CHN2: variants seen among roughly 807,000 people sequenced by gnomAD.
CHN2 encodes beta-chimaerin.
Under a neutral mutation model 56.3 loss-of-function variants are expected in CHN2, and 35 were observed. That is an observed-to-expected ratio of 0.62 (90% CI 0.47 to 0.82). The LOEUF (loss-of-function observed/expected upper bound fraction) is 0.82. Among genes scored for constraint, CHN2 ranks in the 40% least tolerant of loss-of-function variants. The probability of loss-of-function intolerance (pLI) is 0.00; values close to 1 mark genes in which losing one functional copy is unlikely to be tolerated. For synonymous variants in CHN2, 210 were observed against 212.8 expected, an observed-to-expected ratio of 0.99 and a Z score of 0.12; for missense variants, 491 against 580.5, an observed-to-expected ratio of 0.85 and a Z score of 1.58.
At chr7:29,190,149 C>T (rs1034531947), upstream of CHN2, among the ~76,000 whole-genome samples, 4 of 152,206 alleles carry the variant, frequency 2.6e-5, no homozygotes, top group Admixed American at 6.5e-5. Flanking sequence ...GACTAGGTGT[C>T]TTTGTATTTG....
At chr7:29,246,965 C>T (rs147673117) in intron 1 of CHN2, among the ~76,000 whole-genome samples, 5 of 152,228 alleles carry the variant, frequency 3.3e-5, no homozygotes, top group South Asian at 2.1e-4. Context: ...ACACTCAGTC[C>T]GTAGCAGTGT....
At chr7:29,275,243 A>G (rs1791090748) in intron 1 of CHN2, among the ~76,000 whole-genome samples, 1 of 152,178 alleles carries the variant, frequency 6.6e-6, no homozygotes, top group African/African-American at 2.4e-5. Flanking sequence ...TACAAAATAG[A>G]TATCAGACAT....
intron 6 of CHN2, among the ~76,000 whole-genome samples, chr7:29,454,494 C>T (rs917116795): frequency 3.9e-5 from 6 of 152,130 alleles, no homozygotes; most frequent in Non-Finnish European, 7.3e-5. Flanking sequence ...CTCATTTTAG[C>T]CAACTAATCC....
At chr7:29,207,817 C>T (rs949601397) in intron 1 of CHN2, among the ~76,000 whole-genome samples, 5 of 152,162 alleles carry the variant, frequency 3.3e-5, no homozygotes, top group African/African-American at 9.7e-5. Flanking sequence ...CAACAGATCA[C>T]GGTATTGTAC....
intron 12 of CHN2, among the ~76,000 whole-genome samples, chr7:29,511,164 A>AAACAGTAGGTATTGAGATTTTTATTTC: frequency 6.6e-6 from 1 of 152,272 alleles, no homozygotes; most frequent in South Asian, 2.1e-4. Context: ...AGGACTGTAT[A>AAACAGTAGGTATTGAGATTTTTATTTC]AACAGTAGGT....
At chr7:29,213,210 G>T (rs779457260) in intron 1 of CHN2, 130 of 1,192,990 alleles carry the variant, frequency 1.1e-4, no homozygotes, top group Non-Finnish European at 1.5e-4. Context: ...ACCTGAAGAT[G>T]TGTGAAGATG....
intron 2 of CHN2, among the ~76,000 whole-genome samples, chr7:29,174,162 AG>A (rs1796965908): frequency 2.6e-5 from 4 of 152,048 alleles, no homozygotes; most frequent in Admixed American, 2.6e-4. Flanking sequence ...AGGATGCAGG[AG>A]GAGGTGGCTG....
At chr7:29,156,669 T>A (rs1326999419) in intron 2 of CHN2, among the ~76,000 whole-genome samples, 1 of 152,178 alleles carries the variant, frequency 6.6e-6, no homozygotes, top group Non-Finnish European at 1.5e-5. Flanking sequence ...GCATTATTGG[T>A]GTAATTTTGA....
intron 1 of CHN2, among the ~76,000 whole-genome samples, chr7:29,288,557 T>A (rs1792337309): frequency 6.6e-6 from 1 of 152,332 alleles, no homozygotes; most frequent in Admixed American, 6.5e-5. Context: ...AAAATCCATG[T>A]GGTCTTCCTG....
At chr7:29,327,065 G>A (rs115529658) in intron 1 of CHN2, among the ~76,000 whole-genome samples, 1 of 152,190 alleles carries the variant, frequency 6.6e-6, no homozygotes, top group Non-Finnish European at 1.5e-5. Context: ...CCTCATTTCT[G>A]CCTATAGGAC....
intron 6 of CHN2, 197 bp downstream of exon 6, chr7:29,401,025 T>C (rs1802158956): frequency 1.7e-6 from 1 of 587,792 alleles, no homozygotes; most frequent in South Asian, 2.1e-5. Flanking sequence ...TGTAATCTCT[T>C]TGGGAGGCCG....
chr7:29,407,676 C>G (rs529703287), intron 6 of CHN2, among the ~76,000 whole-genome samples: 66 of 152,310 alleles, frequency 4.3e-4, no homozygotes, highest in African/African-American at 1.4e-3. Flanking sequence ...ACTTGCTGCC[C>G]TTGCACGCAG....
intron 1 of CHN2, among the ~76,000 whole-genome samples, chr7:29,351,485 G>A (rs1433941249): frequency 1.3e-5 from 2 of 152,188 alleles, no homozygotes; most frequent in Non-Finnish European, 2.9e-5. Flanking sequence ...GAGGGTAATA[G>A]TGCCGTGAAG....
chr7:29,351,015 G>A (rs1054108329), intron 1 of CHN2, among the ~76,000 whole-genome samples: 5 of 148,784 alleles, frequency 3.4e-5, no homozygotes, highest in Admixed American at 7.0e-5. Context: ...GACTGAGGCA[G>A]GAGAATCACT....
At chr7:29,254,399 T>A (rs39100) in intron 1 of CHN2, among the ~76,000 whole-genome samples, 76,079 of 152,076 alleles carry the variant, frequency 0.5, 19,661 homozygotes, top group African/African-American at 0.58. Flanking sequence ...GAGACTTGCC[T>A]TTTCTCAAGT....
At chr7:29,212,592 C>T (rs1785038896) in intron 1 of CHN2, 3 of 1,412,794 alleles carry the variant, frequency 2.1e-6, no homozygotes, top group Non-Finnish European at 3.0e-6. Flanking sequence ...AAACAGAAGA[C>T]CAGAACTGTG....
intron 12 of CHN2, 114 bp downstream of exon 12, chr7:29,509,520 GA>G: frequency 2.6e-6 from 2 of 776,224 alleles, no homozygotes; most frequent in South Asian, 3.2e-5. Context: ...ACTGTGCCAG[GA>G]ACCACTCCAG....
At chr7:29,273,835 C>T (rs1414892803) in intron 1 of CHN2, among the ~76,000 whole-genome samples, 2 of 152,158 alleles carry the variant, frequency 1.3e-5, no homozygotes, top group Non-Finnish European at 2.9e-5. Flanking sequence ...GTTGCCATGT[C>T]ATGTCATGCA....
chr7:29,171,769 T>A (rs1276425021), intron 2 of CHN2, among the ~76,000 whole-genome samples: 2 of 152,206 alleles, frequency 1.3e-5, no homozygotes, highest in Non-Finnish European at 2.9e-5. Context: ...CATAATATAA[T>A]ACATGCCTAT....
Sources: allele counts gnomAD v4.1 joint callset (sites outside exome capture counted in the v4.1 genomes callset), GRCh38; gene constraint gnomAD v4.1.1; transcripts MANE v1.5; gene names NCBI Gene and HGNC (gene_info 2026-07-23, HGNC 2026-07-21).